PCM1: variants seen among roughly 807,000 people sequenced by gnomAD.
PCM1 encodes pericentriolar material 1 protein.
Under a neutral mutation model 241.9 loss-of-function variants are expected in PCM1, and 157 were observed. The observed-to-expected ratio is 0.65, with a 90% CI of 0.57 to 0.74. The LOEUF (loss-of-function observed/expected upper bound fraction) is 0.74. PCM1 is among the 30% of genes least tolerant of loss of function. PCM1 has a pLI of 0.00. For synonymous variants in PCM1, 1,085 were observed against 784.9 expected (o/e 1.38, Z -6.39); for missense variants, 3,478 against 2,360.1 (o/e 1.47, Z -9.81).
intron 17 of PCM1, among the ~76,000 whole-genome samples, chr8:17,963,926 A>T (rs1189558293): frequency 6.6e-6 from 1 of 152,172 alleles, no homozygotes; most frequent in Non-Finnish European, 1.5e-5. Flanking sequence ...ATGAACTTCT[A>T]TTCTTGGGGT....
Position 17,972,402 on chromosome 8 carries a change from G to A in PCM1, c.3658G>A (p.Glu1220Lys). 6.2e-7 allele frequency: 1 copy of A among 1,608,656 alleles called. No homozygotes were observed. Among genetic ancestry groups the A allele is most frequent in the East Asian group, 2.2e-5 (1 of 44,804 alleles). The change falls in exon 23 of 39, where the codon GAG (glutamate) becomes AAG (lysine). Residue 1220 changes from glutamate to lysine, a missense_variant. By Grantham distance (56) the Glu-to-Lys change is moderately conservative (BLOSUM62 1). Transcript: ENST00000325083. ...GTTATATGAACAAGAAGGTGAAGTA[G>A]AGAAACCATTTATCAAGACTGGATT... The part of the protein sequence containing the change: ...PWLYEQEGEV[E>K]KPFIKTGFSV...
intron 29 of PCM1, among the ~76,000 whole-genome samples, chr8:17,999,270 G>A (rs1045479449): frequency 1.3e-5 from 2 of 152,102 alleles, no homozygotes; most frequent in African/African-American, 4.8e-5. Context: ...CCTGAAGCCA[G>A]AACATCTCTG....
In PCM1 at chr8:17,960,930, A is replaced by G. The variant is rs538124792; in HGVS notation, c.2322+486A>G. On this transcript the variant is annotated intron_variant, in intron 15 of 38. Coordinates refer to ENST00000325083, the MANE Select transcript of PCM1 (RefSeq NM_006197.4). ...ACGTTTACAGTGTAAAAGACAGCAC[A>G]TAGGAATTGACTCATTATTTTCATT... Among the ~76,000 whole-genome samples the G allele has an allele frequency of 3.9e-5, 6 of 152,276 alleles. No individual in the cohort carries two copies. The South Asian group carries it at 8.3e-4, about 21-fold the overall frequency.
intron 6 of PCM1, 110 bp downstream of exon 6, chr8:17,939,971 C>A: frequency 1.7e-6 from 2 of 1,205,728 alleles, no homozygotes; most frequent in South Asian, 1.3e-5. Context: ...TTCAAAAAAT[C>A]ATGCCATCCA....
At chr8:18,006,219 A>G in intron 29 of PCM1, 44 bp from the exon 30 acceptor site, 1 of 1,464,920 alleles carries the variant, frequency 6.8e-7, no homozygotes, top group South Asian at 1.3e-5. Flanking sequence ...CTTTTTTTAA[A>G]CAATAGGTAA....
At chr8:18,012,479 A>C (rs1185225472) in intron 34 of PCM1, among the ~76,000 whole-genome samples, 1 of 152,216 alleles carries the variant, frequency 6.6e-6, no homozygotes, top group African/African-American at 2.4e-5. Context: ...GTGTAGGGGA[A>C]AAACAGTATA....
chr8:17,959,288 AATATG>A (rs1251738331), intron 13 of PCM1, among the ~76,000 whole-genome samples: 1 of 150,548 alleles, frequency 6.6e-6, no homozygotes, highest in African/African-American at 2.4e-5. Flanking sequence ...AAGAAACACA[AATATG>A]ATAATTATAA....
Position 17,960,095 on chromosome 8 carries a change from C to G in PCM1, c.2122C>G (p.Gln708Glu), listed in dbSNP as rs1015290052. ...DFYPAEEDTKQNSNNTRGNAN... is the reference protein window; with the variant it reads ...DFYPAEEDTKENSNNTRGNAN... ...CTACCCAGCAGAAGAAGACACCAAG[C>G]AAAATTCAAATAACACTAGAGGAAA... The change falls in exon 14 of 39, where the codon CAA becomes GAA. Residue 708 changes from glutamine to glutamate, a missense_variant. Physicochemically the swap from Gln to Glu is conservative, Grantham distance 29. Coordinates refer to ENST00000325083, the MANE Select transcript of PCM1 (RefSeq NM_006197.4). The G allele has an allele frequency of 1.9e-6, 3 of 1,607,456 alleles. No individual in the cohort carries two copies. The African/African-American group carries it at 4.0e-5, about 21-fold the overall frequency.
chr8:17,964,466 A>T, intron 17 of PCM1, 102 bp from the exon 18 acceptor site: 1 of 790,238 alleles, frequency 1.3e-6, no homozygotes, highest in East Asian at 2.7e-5. Flanking sequence ...TTATATACAG[A>T]CATGTATATG....
Position 18,027,831 on chromosome 8 carries a change from T to C in PCM1, c.*169T>C, listed in dbSNP as rs141393464. 1 of 434,934 alleles carries C rather than the reference T, an allele frequency of 2.3e-6. No homozygotes were observed. The highest frequency in any genetic ancestry group is 2.0e-5 in the African/African-American group (1 of 49,370). The allele number at this position is 434,934 out of a possible 1,614,324, so 26.9% of individuals were successfully genotyped here. ...GTAGTTTAAAACATCAGAAACTGAA[T>C]TCTGGACAGATTTAAGCCTTGACAC... On this transcript the variant is annotated 3_prime_UTR_variant, in exon 39 of 39. Transcript: ENST00000325083.
chr8:18,020,212 G>A (rs1291805783), intron 36 of PCM1, among the ~76,000 whole-genome samples: 1 of 152,146 alleles, frequency 6.6e-6, no homozygotes, highest in Non-Finnish European at 1.5e-5. Context: ...GAAACGTGGA[G>A]GAAGCTACTG....
At chr8:17,929,285 C>A (rs2058206366) in intron 2 of PCM1, among the ~76,000 whole-genome samples, 3 of 152,180 alleles carry the variant, frequency 2.0e-5, no homozygotes, top group African/African-American at 7.2e-5. Context: ...TGGTTTCCCT[C>A]CTGTCTTTCT....
intron 35 of PCM1, 34 bp downstream of exon 35, chr8:18,014,070 T>C (rs767235986): frequency 1.2e-5 from 14 of 1,166,210 alleles, no homozygotes; most frequent in Admixed American, 2.7e-5. Context: ...GATTTTAAGA[T>C]AATTTCCTTT....
Position 17,937,222 on chromosome 8 carries a change from A to G in PCM1, c.185A>G (p.Asn62Ser). 2 of 1,607,736 alleles carry G rather than the reference A, an allele frequency of 1.2e-6. No individual in the cohort carries two copies. The highest frequency in any genetic ancestry group is 1.7e-4 in the Middle Eastern group (1 of 6,054). Residue 62 changes from asparagine to serine, a missense_variant, in exon 4 of 39, where the codon AAT becomes AGT. Asn to Ser is a conservative substitution (Grantham distance 46). Coordinates refer to ENST00000325083, the MANE Select transcript of PCM1 (RefSeq NM_006197.4). Reference protein sequence around the residue: ...FGVESDKRVTNDISPESSPGV... With the variant: ...FGVESDKRVTSDISPESSPGV... ...GTAGAAAGTGATAAAAGAGTAACCA[A>G]TGATATTTCTCCGGAGTCGTCACCA...
intron 29 of PCM1, among the ~76,000 whole-genome samples, chr8:18,000,311 G>C (rs187131839): frequency 2.8e-4 from 43 of 152,320 alleles, no homozygotes; most frequent in African/African-American, 9.9e-4. Flanking sequence ...GCCATGGTTA[G>C]AAGTTTGGAC....
chr8:17,930,538 A>G (rs1040052522), intron 2 of PCM1, among the ~76,000 whole-genome samples: 2 of 152,176 alleles, frequency 1.3e-5, no homozygotes, highest in Non-Finnish European at 2.9e-5. Flanking sequence ...GAAGAGAAAT[A>G]ACATGCCATT....
chr8:17,950,176 T>G (rs533320404), intron 7 of PCM1, among the ~76,000 whole-genome samples: 1 of 152,266 alleles, frequency 6.6e-6, no homozygotes, highest in African/African-American at 2.4e-5. Context: ...TTTAACATAT[T>G]TACTATTTCA....
intron 26 of PCM1, among the ~76,000 whole-genome samples, chr8:17,988,849 A>G (rs979878698): frequency 6.6e-6 from 1 of 151,982 alleles, no homozygotes; most frequent in Non-Finnish European, 1.5e-5. Context: ...TGGAACTCTC[A>G]CAGTCCTTAT....
chr8:18,026,946 A>G (rs1399405981), intron 38 of PCM1, among the ~76,000 whole-genome samples: 1 of 152,164 alleles, frequency 6.6e-6, no homozygotes, highest in Admixed American at 6.5e-5. Flanking sequence ...TTGCTTCTAT[A>G]TAAATATCAT....
Sources: allele counts gnomAD v4.1 joint callset (sites outside exome capture counted in the v4.1 genomes callset), GRCh38; gene constraint gnomAD v4.1.1; transcripts MANE v1.5; gene names NCBI Gene and HGNC (gene_info 2026-07-23, HGNC 2026-07-21).